The following USP7 variants were observed in gnomAD, a reference collection of about 807,000 sequenced individuals.
The protein encoded by USP7 is ubiquitin specific peptidase 7, also known as ubiquitin C-terminal hydrolase 7.
Under a neutral mutation model 162.9 loss-of-function variants are expected in USP7, and 9 were observed. The ratio of observed to expected loss-of-function variants is 0.06; its 90% confidence interval spans 0.03 to 0.10. The LOEUF is 0.10. USP7 is among the 10% of genes least tolerant of loss of function. The pLI, the probability that USP7 is intolerant of heterozygous loss-of-function variation, is 1.00. For synonymous variants in USP7, 562 were observed against 475.9 expected, an observed-to-expected ratio of 1.18 and a Z score of -2.35; for missense variants, 715 against 1,373.7, an observed-to-expected ratio of 0.52 and a Z score of 7.58.
chr16:8,898,827 C>G (rs2061729188), intron 23 of USP7, 188 bp from the exon 24 acceptor site: 1 of 616,724 alleles, frequency 1.6e-6, no homozygotes, highest in Non-Finnish European at 2.8e-6. Context: ...CTTGAATGCT[C>G]TCTGCAATAG....
chr16:8,936,460 T>G, intron 1 of USP7: 1 of 993,352 alleles, frequency 1.0e-6, no homozygotes, highest in Non-Finnish European at 1.4e-6. Flanking sequence ...ATATAAATTT[T>G]ACTGATACAA....
intron 1 of USP7, among the ~76,000 whole-genome samples, chr16:8,957,918 A>G (rs1951840400): frequency 6.6e-6 from 1 of 152,228 alleles, no homozygotes; most frequent in Non-Finnish European, 1.5e-5. Flanking sequence ...AAAAAACACC[A>G]TTACATTAAC....
chr16:8,926,187 CA>C (rs1897979249), intron 2 of USP7, among the ~76,000 whole-genome samples: 1 of 146,780 alleles, frequency 6.8e-6, no homozygotes, highest in Non-Finnish European at 1.5e-5. Context: ...CACTAAAAAA[CA>C]AAAGGTCGGC....
rs369885372 is a variant in USP7 at position 8,906,501 on chromosome 16, A to G, written c.1353T>C (p.His451=). The change falls in exon 13 of 31, where the codon CAT becomes CAC. Residue 451 remains histidine (H), a synonymous_variant. Transcript: ENST00000344836. ...DPKDPANYIL[H]AVLVHSGDNH... is the part of the protein sequence containing the mutation. ...TATCTCCACTATGAACCAGGACTGCATGAAGAATATAATTTGCAGGGTCCT... is the reference window on the plus strand; with the variant it reads ...TATCTCCACTATGAACCAGGACTGCGTGAAGAATATAATTTGCAGGGTCCT... 3.1e-6 allele frequency: 5 copies of G among 1,613,110 alleles called. No individual in the cohort carries two copies. In the African/African-American group the frequency reaches 6.7e-5, roughly 22 times the overall value.
At position 8,895,740 on chromosome 16, in the gene USP7, G is replaced by T; in HGVS notation, c.2821C>A (p.Leu941Met). Residue 941 changes from leucine (L) to methionine (M), a missense_variant and splice_region_variant, in exon 27 of 31, where the codon CTG becomes ATG. Leu to Met is a conservative substitution (Grantham distance 15). Around this residue, in one of 11 missense-constraint regions of USP7, gnomAD observed 222 missense variants for 441.7 expected, o/e 0.50. Coordinates refer to ENST00000344836, the MANE Select transcript of USP7 (RefSeq NM_003470.3). ...LGEKASGKLR[L>M]LEIVSYKIIG... ...ATTTTGTAGCTTACAATTTCTAGCAGCCTGAACAGAGAGGAAAAAAAAATA... is the reference window on the plus strand; with the variant it reads ...ATTTTGTAGCTTACAATTTCTAGCATCCTGAACAGAGAGGAAAAAAAAATA... 6.2e-7 allele frequency: 1 copy of T among 1,606,428 alleles called. No individual in the cohort carries two copies. Among genetic ancestry groups the T allele is most frequent in the Non-Finnish European group, 8.5e-7 (1 of 1,177,370 alleles).
chr16:8,916,493 G>C lies in USP7; in HGVS notation c.906+9C>G, dbSNP rs560473635. ...TGTAAGAAATATACAAGTATTGCTT[G>C]AAACTTACCACTCGACAAAGCTCCT... is the stretch of plus-strand genomic sequence containing the variant. On this transcript the variant is annotated intron_variant, in intron 8 of 30. Coordinates refer to ENST00000344836, the MANE Select transcript of USP7 (RefSeq NM_003470.3). The C allele has an allele frequency of 1.9e-6, 3 of 1,605,538 alleles. No individual in the cohort carries two copies. In the African/African-American group the frequency reaches 4.0e-5, roughly 22 times the overall value.
intron 1 of USP7, among the ~76,000 whole-genome samples, chr16:8,959,569 G>A (rs1899929640): frequency 1.3e-5 from 2 of 152,194 alleles, no homozygotes; most frequent in South Asian, 2.1e-4. Context: ...TCTCTGAGCT[G>A]ATGTTCATCT....
intron 2 of USP7, among the ~76,000 whole-genome samples, chr16:8,929,792 A>C (rs777412615): frequency 1.5e-4 from 23 of 152,248 alleles, no homozygotes; most frequent in Non-Finnish European, 2.6e-4. Context: ...GCTTTCTCAC[A>C]GAGAAGCTAT....
chr16:8,908,517 C>T, intron 11 of USP7, 67 bp from the exon 12 acceptor site: 3 of 1,371,858 alleles, frequency 2.2e-6, no homozygotes, highest in African/African-American at 1.4e-5. Context: ...ATGAAAGCAA[C>T]AGCGGTTCAG....
In USP7 at chr16:8,940,403, G is replaced by T. The variant is rs141622349; in HGVS notation, c.80-10006C>A. Among the ~76,000 whole-genome samples the T allele has an allele frequency of 5.3e-5, 8 of 152,260 alleles. No individual in the cohort carries two copies. In the East Asian group the frequency reaches 1.5e-3, roughly 29 times the overall value. ...AGCACAGTGCTCAGGAGAACTCTTCGGCTTCTTGAACACAACGAGAGGCAG... is the reference window on the plus strand; with the variant it reads ...AGCACAGTGCTCAGGAGAACTCTTCTGCTTCTTGAACACAACGAGAGGCAG... On this transcript the variant is annotated intron_variant, in intron 1 of 30. Transcript: ENST00000344836.
At chr16:8,912,158 A>G (rs1459065610) in intron 10 of USP7, among the ~76,000 whole-genome samples, 1 of 152,210 alleles carries the variant, frequency 6.6e-6, no homozygotes, top group African/African-American at 2.4e-5. Context: ...GTTACCAAGC[A>G]TGTGAACCAG....
intron 14 of USP7, 108 bp from the exon 15 acceptor site, chr16:8,904,673 T>A: frequency 6.7e-7 from 1 of 1,492,836 alleles, no homozygotes; most frequent in Non-Finnish European, 8.9e-7. Flanking sequence ...GCCGGCGTGG[T>A]GGCTTACGCC....
chr16:8,927,871 G>A (rs183701909), intron 2 of USP7, among the ~76,000 whole-genome samples: 2 of 152,134 alleles, frequency 1.3e-5, no homozygotes, highest in African/African-American at 4.8e-5. Flanking sequence ...TGGGCCAAGT[G>A]CAATGGGTCA....
At chr16:8,927,859 C>T (rs1417780089) in intron 2 of USP7, among the ~76,000 whole-genome samples, 3 of 152,036 alleles carry the variant, frequency 2.0e-5, no homozygotes, top group African/African-American at 7.2e-5. Flanking sequence ...ATAAAACTTC[C>T]TTGGGCCAAG....
chr16:8,954,163 ACGTGCCCCCTGCGGTGC>A (rs1567248483), intron 1 of USP7, among the ~76,000 whole-genome samples: 1 of 54,548 alleles, frequency 1.8e-5, no homozygotes, highest in Admixed American at 2.1e-4. Context: ...GAGGGAAGAC[ACGTGCCCCCTGCGGTGC>A]CACTGGAGGC....
chr16:8,937,146 G>A (rs1383445113), intron 1 of USP7, among the ~76,000 whole-genome samples: 1 of 152,110 alleles, frequency 6.6e-6, no homozygotes, highest in Non-Finnish European at 1.5e-5. Context: ...GTAATCCCAG[G>A]CACTTAGGAC....
At chr16:8,933,009 C>T (rs1898462012) in intron 1 of USP7, among the ~76,000 whole-genome samples, 1 of 151,704 alleles carries the variant, frequency 6.6e-6, no homozygotes, top group Non-Finnish European at 1.5e-5. Context: ...GGCGAGATCT[C>T]GGCTCACTGC....
chr16:8,951,498 G>A (rs965329345), intron 1 of USP7, among the ~76,000 whole-genome samples: 1 of 152,174 alleles, frequency 6.6e-6, no homozygotes, highest in Non-Finnish European at 1.5e-5. Flanking sequence ...CCGGATTCAT[G>A]TGATGAGCTC....
chr16:8,931,066 A>G (rs1254768420), intron 1 of USP7, among the ~76,000 whole-genome samples: 2 of 152,194 alleles, frequency 1.3e-5, no homozygotes, highest in South Asian at 2.1e-4. Flanking sequence ...TCATTATTTT[A>G]CTATAGGTTT....
Sources: allele counts gnomAD v4.1 joint callset (sites outside exome capture counted in the v4.1 genomes callset), GRCh38; gene constraint gnomAD v4.1.1; regional missense constraint gnomAD v4.1.1; transcripts MANE v1.5; gene names NCBI Gene and HGNC (gene_info 2026-07-23, HGNC 2026-07-21).